The following RPRD2 variants were observed in gnomAD, a reference collection of about 807,000 sequenced individuals.
The protein encoded by RPRD2 is regulation of nuclear pre-mRNA domain-containing protein 2.
Under a neutral mutation model 104.4 loss-of-function variants are expected in RPRD2, and 12 were observed. The ratio of observed to expected loss-of-function variants is 0.11; its 90% confidence interval spans 0.07 to 0.19. The LOEUF (loss-of-function observed/expected upper bound fraction) is 0.19, where lower values mean the gene tolerates loss of function less well. RPRD2 is among the 10% of genes least tolerant of loss of function. RPRD2 has a pLI of 1.00. For synonymous variants in RPRD2, 714 were observed against 684.9 expected, an observed-to-expected ratio of 1.04 and a Z score of -0.66; for missense variants, 1,543 against 1,790.1, an observed-to-expected ratio of 0.86 and a Z score of 2.49.
At chr1:150,392,723 G>A (rs2102183464) in intron 1 of RPRD2, among the ~76,000 whole-genome samples, 1 of 152,132 alleles carries the variant, frequency 6.6e-6, no homozygotes, top group African/African-American at 2.4e-5. Context: ...AGTACCCGTA[G>A]TCCCAGTTAC....
At chr1:150,456,838 T>A (rs587752248) in intron 7 of RPRD2, among the ~76,000 whole-genome samples, 1 of 151,438 alleles carries the variant, frequency 6.6e-6, no homozygotes, top group African/African-American at 2.4e-5. Flanking sequence ...GGCAGGAGAA[T>A]CACTTGAACC....
chr1:150,403,348 G>A (rs1663207887), intron 1 of RPRD2, among the ~76,000 whole-genome samples: 1 of 152,034 alleles, frequency 6.6e-6, no homozygotes, highest in Non-Finnish European at 1.5e-5. Context: ...TTGTTACGCA[G>A]CCATCACCAC....
intron 1 of RPRD2, among the ~76,000 whole-genome samples, chr1:150,374,630 A>G (rs781908611): frequency 1.1e-4 from 16 of 152,186 alleles, no homozygotes; most frequent in Admixed American, 8.5e-4. Context: ...GCTGGTGTTC[A>G]TTGCAGAATT....
chr1:150,380,994 G>C (rs587709614), intron 1 of RPRD2, among the ~76,000 whole-genome samples: 2 of 152,152 alleles, frequency 1.3e-5, no homozygotes, highest in East Asian at 3.9e-4. Flanking sequence ...ATACTGCCTT[G>C]TTTATTTATT....
intron 1 of RPRD2, among the ~76,000 whole-genome samples, chr1:150,408,296 C>A: frequency 6.7e-6 from 1 of 150,080 alleles, no homozygotes. Flanking sequence ...TCCCGAGTAT[C>A]TGGGATTGCA....
intron 1 of RPRD2, among the ~76,000 whole-genome samples, chr1:150,366,143 GAA>G (rs1163083036): frequency 1.3e-5 from 2 of 152,186 alleles, no homozygotes; most frequent in Non-Finnish European, 2.9e-5. Flanking sequence ...TTCCTGCTGA[GAA>G]GAGAGGGTTA....
chr1:150,373,373 G>A lies in RPRD2; in HGVS notation c.205+8454G>A, dbSNP rs587644513. Among the ~76,000 whole-genome samples the A allele has an allele frequency of 2.0e-5, 3 of 152,030 alleles. 1 individual carries two copies. In the East Asian group the frequency reaches 5.8e-4, roughly 29 times the overall value. On this transcript the variant is annotated intron_variant, in intron 1 of 10. Coordinates refer to ENST00000369068, the MANE Select transcript of RPRD2 (RefSeq NM_015203.5). ...CTGGAACAGGGATACCAATTAGATG[G>A]CTATTGTAATCCAGTGTAAAATATT...
intron 7 of RPRD2, among the ~76,000 whole-genome samples, chr1:150,449,477 A>G (rs935298007): frequency 6.6e-6 from 1 of 151,946 alleles, no homozygotes; most frequent in Non-Finnish European, 1.5e-5. Flanking sequence ...AATTAATCAA[A>G]TAATTTTTAG....
chr1:150,372,488 AACACAC>A (rs781938858), intron 1 of RPRD2, among the ~76,000 whole-genome samples: 2 of 83,794 alleles, frequency 2.4e-5, no homozygotes, highest in Non-Finnish European at 5.6e-5. Context: ...TGAAAAAAGA[AACACAC>A]ACACACACAC....
intron 10 of RPRD2, among the ~76,000 whole-genome samples, chr1:150,468,415 C>G (rs1238606267): frequency 6.6e-6 from 1 of 151,182 alleles, no homozygotes; most frequent in Non-Finnish European, 1.5e-5. Context: ...TTACCTATTA[C>G]CAGAAATCTG....
intron 2 of RPRD2, among the ~76,000 whole-genome samples, chr1:150,432,951 T>C (rs985848111): frequency 5.9e-5 from 9 of 151,998 alleles, no homozygotes; most frequent in Middle Eastern, 3.2e-3. Context: ...TACGCCAGCC[T>C]GGGGGACCAG....
intron 1 of RPRD2, among the ~76,000 whole-genome samples, chr1:150,400,626 A>G (rs1201491130): frequency 2.6e-5 from 4 of 152,086 alleles, no homozygotes; most frequent in Non-Finnish European, 5.9e-5. Flanking sequence ...CTCACCTCCT[A>G]CTGTGTGGCC....
At chr1:150,379,825 C>T (rs1411811272) in intron 1 of RPRD2, among the ~76,000 whole-genome samples, 4 of 152,222 alleles carry the variant, frequency 2.6e-5, no homozygotes, top group Non-Finnish European at 4.4e-5. Flanking sequence ...CGTGAGCCAA[C>T]GCACCCGGCC....
chr1:150,454,081 C>T (rs1553897139), intron 7 of RPRD2, among the ~76,000 whole-genome samples: 2 of 152,048 alleles, frequency 1.3e-5, no homozygotes, highest in Non-Finnish European at 2.9e-5. Context: ...CTGCTTTTTC[C>T]AAGGTTTTCT....
intron 2 of RPRD2, among the ~76,000 whole-genome samples, chr1:150,439,308 C>G (rs2102349974): frequency 6.6e-6 from 1 of 152,192 alleles, no homozygotes; most frequent in East Asian, 1.9e-4. Flanking sequence ...TCAGGCATAC[C>G]TTAGAGATAT....
intron 1 of RPRD2, 54 bp downstream of exon 1, chr1:150,364,973 T>C: frequency 6.3e-7 from 1 of 1,576,708 alleles, no homozygotes; most frequent in Middle Eastern, 1.7e-4. Flanking sequence ...GAAGGAAGTG[T>C]GGCCTGAAAC....
intron 1 of RPRD2, among the ~76,000 whole-genome samples, chr1:150,378,007 T>C (rs587728410): frequency 3.3e-5 from 5 of 152,284 alleles, no homozygotes; most frequent in Non-Finnish European, 5.9e-5. Context: ...CTTAATTTTG[T>C]TTTATATAAG....
intron 2 of RPRD2, among the ~76,000 whole-genome samples, chr1:150,427,273 G>C (rs1281367582): frequency 6.6e-6 from 1 of 152,188 alleles, no homozygotes; most frequent in Non-Finnish European, 1.5e-5. Context: ...CGGAGATCGA[G>C]ACCATCCTGG....
intron 1 of RPRD2, among the ~76,000 whole-genome samples, chr1:150,406,895 G>C (rs1183694646): frequency 6.6e-6 from 1 of 151,744 alleles, no homozygotes; most frequent in African/African-American, 2.4e-5. Context: ...TGTATTTTTA[G>C]TAAGAGACAG....
Sources: allele counts gnomAD v4.1 joint callset (sites outside exome capture counted in the v4.1 genomes callset), GRCh38; gene constraint gnomAD v4.1.1; transcripts MANE v1.5; gene names NCBI Gene and HGNC (gene_info 2026-07-23, HGNC 2026-07-21).